Variants in BRD1 observed in about 807,000 individuals in gnomAD.
BRD1 encodes bromodomain-containing protein 1.
BRD1 carries 24 observed loss-of-function variants against 107.7 expected under a neutral mutation model. That is an observed-to-expected ratio of 0.22 (90% CI 0.16 to 0.31). The LOEUF (loss-of-function observed/expected upper bound fraction) is 0.31, where lower values mean the gene tolerates loss of function less well. Ranked by LOEUF, BRD1 falls within the 10% of genes least tolerant of loss-of-function variation. The pLI is 1.00. For synonymous variants in BRD1, 744 were observed against 686.1 expected (o/e 1.08, Z -1.32); for missense variants, 1,279 against 1,638.6 (o/e 0.78, Z 3.79).
chr22:49,789,614 A>G (rs897788409), intron 7 of BRD1, among the ~76,000 whole-genome samples: 1 of 151,726 alleles, frequency 6.6e-6, no homozygotes, highest in Non-Finnish European at 1.5e-5. Flanking sequence ...GTGCAACAGC[A>G]CCCGGCCAGC....
chr22:49,786,561 T>C (rs2059329653), intron 8 of BRD1, among the ~76,000 whole-genome samples: 1 of 152,124 alleles, frequency 6.6e-6, no homozygotes, highest in Non-Finnish European at 1.5e-5. Flanking sequence ...CATAAAACAA[T>C]GAGTAAATGT....
rs1384861716 is a variant in BRD1, at chr22:49,803,995, C to A, written c.1524+209G>T. On this transcript the variant is annotated intron_variant, in intron 3 of 12. Coordinates refer to ENST00000404760, the MANE Select transcript of BRD1 (RefSeq NM_001304808.3). The surrounding 1 kb of genome is among the most constrained non-coding windows in gnomAD (Gnocchi z 4.4). ...AACGGAAGAAACACCCAGTGACAGG[C>A]ATGGATGAGAATCACCCCCCGAGTC... 1.3e-5 allele frequency among the ~76,000 whole-genome samples: 2 copies of A among 152,212 alleles called. No individual in the cohort carries two copies. The highest frequency in any genetic ancestry group is 4.8e-5 in the African/African-American group (2 of 41,450).
At chr22:49,775,815 A>ACCCCCCC (rs758380473) in intron 11 of BRD1, 70 bp from the exon 12 acceptor site, 196 of 1,143,034 alleles carry the variant, frequency 1.7e-4, no homozygotes, top group South Asian at 1.1e-3. Flanking sequence ...TGTCACTGGC[A>ACCCCCCC]CCCCCCCCCG....
chr22:49,810,290 G>A (rs1007706752), intron 2 of BRD1, among the ~76,000 whole-genome samples: 2 of 152,148 alleles, frequency 1.3e-5, no homozygotes, highest in East Asian at 1.9e-4. Context: ...ATGCCAAGGC[G>A]AGAAAATTGC....
chr22:49,804,688 A>G (rs1398766841), intron 2 of BRD1, among the ~76,000 whole-genome samples: 1 of 152,144 alleles, frequency 6.6e-6, no homozygotes, highest in East Asian at 1.9e-4. Context: ...GTCTCTACCA[A>G]AAATACAAAA....
In BRD1 at chr22:49,774,060, G is replaced by A. The variant is rs748135941; in HGVS notation, c.*173C>T. 142 of 875,308 alleles carry A rather than the reference G, an allele frequency of 1.6e-4. No individual in the cohort carries two copies. The African/African-American group carries it at 1.7e-3, about 10-fold the overall frequency. The allele number at this position is 875,308 out of a possible 1,614,324, so 54.2% of individuals were successfully genotyped here. Reference sequence around the variant, plus strand: ...CGGACGTGCCCACCCCACTCACAGCGCCCAGACGGAGATGGGTTCCTAGAA... The same window carrying A: ...CGGACGTGCCCACCCCACTCACAGCACCCAGACGGAGATGGGTTCCTAGAA... On this transcript the variant is annotated 3_prime_UTR_variant, in exon 13 of 13. Coordinates refer to ENST00000404760, the MANE Select transcript of BRD1 (RefSeq NM_001304808.3).
intron 4 of BRD1, 139 bp downstream of exon 4, chr22:49,798,849 G>A: frequency 7.0e-7 from 1 of 1,436,982 alleles, no homozygotes; most frequent in Admixed American, 2.7e-5. Context: ...TGGCAGCCAG[G>A]CACCCAGCCT....
chr22:49,784,275 C>T (rs746208818), intron 8 of BRD1, among the ~76,000 whole-genome samples: 22 of 151,174 alleles, frequency 1.5e-4, no homozygotes, highest in Admixed American at 1.2e-3. Flanking sequence ...GGGAGACTCG[C>T]GGCAGGGGTC....
intron 2 of BRD1, among the ~76,000 whole-genome samples, chr22:49,807,977 T>A (rs1024432566): frequency 6.6e-6 from 1 of 152,092 alleles, no homozygotes; most frequent in Admixed American, 6.5e-5. Flanking sequence ...CAAACTATGA[T>A]GTCACCTTCA....
At chr22:49,777,869 T>C (rs2059131657) in intron 8 of BRD1, 56 bp from the exon 9 acceptor site, 2 of 1,543,174 alleles carry the variant, frequency 1.3e-6, no homozygotes, top group South Asian at 2.4e-5. Flanking sequence ...CACTGAAGCA[T>C]GACTCAACGA....
intron 2 of BRD1, among the ~76,000 whole-genome samples, chr22:49,813,814 G>A (rs1351394333): frequency 6.6e-6 from 1 of 150,476 alleles, no homozygotes; most frequent in Non-Finnish European, 1.5e-5. Flanking sequence ...GGGTGACAGA[G>A]TGAGACTCCA....
At chr22:49,788,643 G>A (rs764385925) in intron 7 of BRD1, among the ~76,000 whole-genome samples, 3 of 152,222 alleles carry the variant, frequency 2.0e-5, no homozygotes, top group Non-Finnish European at 4.4e-5. Flanking sequence ...GGGCTGGTCT[G>A]TGGGGCTCTG....
At chr22:49,805,291 A>G (rs2059719523) in intron 2 of BRD1, among the ~76,000 whole-genome samples, 1 of 152,174 alleles carries the variant, frequency 6.6e-6, no homozygotes, top group African/African-American at 2.4e-5. Flanking sequence ...ACCTGGCTCA[A>G]GCGTGGAGCC....
At chr22:49,801,878 C>T (rs2059648017) in intron 3 of BRD1, among the ~76,000 whole-genome samples, 1 of 152,248 alleles carries the variant, frequency 6.6e-6, no homozygotes, top group Admixed American at 6.5e-5. Flanking sequence ...CCCCGTGGCC[C>T]CTGCCCACTG....
In BRD1 at chr22:49,803,736, G is replaced by T. The variant is rs1315139541; in HGVS notation, c.1524+468C>A. On this transcript the variant is annotated intron_variant, in intron 3 of 12. Coordinates refer to ENST00000404760, the MANE Select transcript of BRD1 (RefSeq NM_001304808.3). The surrounding 1 kb of genome is among the most constrained non-coding windows in gnomAD (Gnocchi z 4.4). The stretch of plus-strand genomic sequence containing the variant: ...CAGCTAAACCAACCTTCAGAGCAAG[G>T]CCCTCGAAATAAACCACTCCTCACA... Among the ~76,000 whole-genome samples the T allele has an allele frequency of 2.0e-5, 3 of 152,038 alleles. No individual in the cohort carries two copies. Among genetic ancestry groups the T allele is most frequent in the African/African-American group, 7.2e-5 (3 of 41,382 alleles).
chr22:49,822,688 C>T (rs12485055), intron 2 of BRD1, among the ~76,000 whole-genome samples: 2 of 151,620 alleles, frequency 1.3e-5, no homozygotes, highest in African/African-American at 2.4e-5. Flanking sequence ...CCAGCCTGGG[C>T]GACAGAGTAA....
At chr22:49,804,620 G>T (rs1026758890) in intron 2 of BRD1, among the ~76,000 whole-genome samples, 3 of 152,148 alleles carry the variant, frequency 2.0e-5, no homozygotes, top group East Asian at 1.9e-4. Context: ...AGGCCGAGGT[G>T]GGGGGATCCC....
intron 8 of BRD1, among the ~76,000 whole-genome samples, chr22:49,778,685 G>A (rs146220087): frequency 1.1e-3 from 174 of 152,038 alleles, no homozygotes; most frequent in African/African-American, 3.5e-3. Context: ...TTTTTGAGGC[G>A]GAGTCTCACT....
chr22:49,804,367 C>A lies in BRD1; in HGVS notation c.1368-7G>T. On this transcript the variant is annotated splice_region_variant and splice_polypyrimidine_tract_variant and intron_variant, in intron 2 of 12. Coordinates refer to ENST00000404760, the MANE Select transcript of BRD1 (RefSeq NM_001304808.3). The stretch of plus-strand genomic sequence containing the variant: ...ATTCGCAATCCTATTTAACCTAAAA[C>A]ACAAACACTCAGTGTATCTTTGAAG... The A allele has an allele frequency of 6.3e-7, 1 of 1,597,922 alleles. No individual in the cohort carries two copies. The highest frequency in any genetic ancestry group is 1.1e-5 in the South Asian group (1 of 88,412).
Sources: gnomAD v4.1 joint callset for allele counts (sites outside exome capture counted in the v4.1 genomes callset) on GRCh38, gnomAD v4.1.1 for gene constraint, Gnocchi (gnomAD v3.1) non-coding constraint, MANE v1.5 for transcripts, NCBI Gene and HGNC (gene_info 2026-07-23, HGNC 2026-07-21) for gene names.